GUCY1A2: variants seen among roughly 807,000 people sequenced by gnomAD.
The protein encoded by GUCY1A2 is guanylate cyclase 1 soluble subunit alpha 2, also known as guanylate cyclase soluble subunit alpha-2.
A neutral mutation model predicts 63.5 loss-of-function variants in GUCY1A2; 27 were observed. That is an observed-to-expected ratio of 0.43 (90% CI 0.31 to 0.59). GUCY1A2 has a LOEUF of 0.59. Among genes scored for constraint, GUCY1A2 ranks in the 20% least tolerant of loss-of-function variants. GUCY1A2 has a pLI of 0.11. For synonymous variants in GUCY1A2, 364 were observed against 343.5 expected (o/e 1.06, Z -0.66); for missense variants, 768 against 913.3 (o/e 0.84, Z 2.05).
chr11:106,988,353 A>T (rs906869999), intron 1 of GUCY1A2, among the ~76,000 whole-genome samples: 2 of 152,220 alleles, frequency 1.3e-5, no homozygotes, highest in African/African-American at 4.8e-5. Flanking sequence ...GGCAGTGGAT[A>T]TCCACAGAGG....
chr11:106,843,493 A>C (rs117356592), intron 4 of GUCY1A2, among the ~76,000 whole-genome samples: 1,950 of 152,030 alleles, frequency 0.013, 27 homozygotes, highest in South Asian at 0.048. Flanking sequence ...TAGATATATT[A>C]GGGTGTAACA....
At chr11:106,997,697 G>C (rs910996365) in intron 1 of GUCY1A2, among the ~76,000 whole-genome samples, 3 of 134,810 alleles carry the variant, frequency 2.2e-5, no homozygotes, top group African/African-American at 8.5e-5. Context: ...TAGCATGGTA[G>C]AAAGAGCTTA....
At chr11:106,872,691 T>A (rs1490800515) in intron 4 of GUCY1A2, among the ~76,000 whole-genome samples, 1 of 152,232 alleles carries the variant, frequency 6.6e-6, no homozygotes, top group Non-Finnish European at 1.5e-5. Context: ...TTGTGAACTC[T>A]GGATATAAGC....
chr11:106,851,253 T>G (rs1565309822), intron 4 of GUCY1A2, among the ~76,000 whole-genome samples: 1 of 151,814 alleles, frequency 6.6e-6, no homozygotes, highest in Non-Finnish European at 1.5e-5. Flanking sequence ...TGTGTATTAG[T>G]CCCTTGTTGG....
chr11:107,017,736 T>C lies in GUCY1A2; in HGVS notation c.303+17A>G. ...TCTCTCCCCCGAAGGCGGTCCCCCCTTCCGCCCCCCGCTCACCGAGGGCGC... is the reference window on the plus strand; with the variant it reads ...TCTCTCCCCCGAAGGCGGTCCCCCCCTCCGCCCCCCGCTCACCGAGGGCGC... On this transcript the variant is annotated intron_variant, in intron 1 of 7. Coordinates refer to ENST00000526355, the MANE Select transcript of GUCY1A2 (RefSeq NM_000855.3). 2 of 1,363,712 alleles carry C rather than the reference T, an allele frequency of 1.5e-6. No individual in the cohort carries two copies. Among genetic ancestry groups the C allele is most frequent in the Non-Finnish European group, 1.9e-6 (2 of 1,053,452 alleles). 84.5% of individuals were successfully genotyped at this position (1,363,712 alleles called of 1,614,324 possible).
intron 4 of GUCY1A2, among the ~76,000 whole-genome samples, chr11:106,837,544 T>G: frequency 1.3e-5 from 2 of 151,928 alleles, no homozygotes; most frequent in African/African-American, 2.4e-5. Context: ...GGTAGTTCTG[T>G]TTCTAGCTCT....
At chr11:106,947,100 C>G (rs1205856375) in intron 3 of GUCY1A2, among the ~76,000 whole-genome samples, 1 of 151,664 alleles carries the variant, frequency 6.6e-6, no homozygotes, top group African/African-American at 2.4e-5. Flanking sequence ...TCCTGTAATC[C>G]CAGCTACTCA....
chr11:106,872,673 T>C (rs2135465413), intron 4 of GUCY1A2, among the ~76,000 whole-genome samples: 1 of 152,316 alleles, frequency 6.6e-6, no homozygotes, highest in South Asian at 2.1e-4. Context: ...AAAAGTGTAA[T>C]TGCTGCTTTG....
rs139785852 is a variant in GUCY1A2 at position 106,769,959 on chromosome 11, C to G, written c.1836+6480G>C. The stretch of plus-strand genomic sequence containing the variant: ...AGAAAATTAATTAGGTTACCAAATA[C>G]AGTCGACCCTGTGTATCCACAGGTT... On this transcript the variant is annotated intron_variant, in intron 6 of 7. Transcript: ENST00000526355. Among the ~76,000 whole-genome samples, 729 of 152,038 alleles carry G rather than the reference C, an allele frequency of 4.8e-3. 7 individuals are homozygous for G. The highest frequency in any genetic ancestry group is 0.016 in the African/African-American group (684 of 41,484).
chr11:106,721,035 T>C (rs933173875), intron 6 of GUCY1A2, among the ~76,000 whole-genome samples: 1 of 151,718 alleles, frequency 6.6e-6, no homozygotes, highest in African/African-American at 2.4e-5. Flanking sequence ...GTCATATGCT[T>C]CTCCACCAAT....
intron 1 of GUCY1A2, among the ~76,000 whole-genome samples, chr11:106,992,171 T>C (rs1253970807): frequency 1.3e-5 from 2 of 152,164 alleles, no homozygotes; most frequent in Admixed American, 1.3e-4. Context: ...ATTTTTAATA[T>C]ATATTATCCT....
At chr11:106,948,984 A>G (rs1406983475) in intron 3 of GUCY1A2, among the ~76,000 whole-genome samples, 1 of 152,216 alleles carries the variant, frequency 6.6e-6, no homozygotes, top group Non-Finnish European at 1.5e-5. Flanking sequence ...AAGCAAACAT[A>G]TAAAAAAGAT....
At chr11:106,784,328 C>T (rs1565288926) in intron 5 of GUCY1A2, among the ~76,000 whole-genome samples, 1 of 152,114 alleles carries the variant, frequency 6.6e-6, no homozygotes, top group Non-Finnish European at 1.5e-5. Flanking sequence ...GAGGGCACTC[C>T]TTCCTGAAAG....
chr11:106,826,230 A>C (rs1372672920), intron 4 of GUCY1A2, among the ~76,000 whole-genome samples: 1 of 152,222 alleles, frequency 6.6e-6, no homozygotes, highest in African/African-American at 2.4e-5. Context: ...AACTGATTTC[A>C]AACTTAGAAT....
intron 4 of GUCY1A2, among the ~76,000 whole-genome samples, chr11:106,875,663 T>A (rs1191347355): frequency 6.6e-6 from 1 of 152,144 alleles, no homozygotes; most frequent in African/African-American, 2.4e-5. Context: ...CTAGCAAAAG[T>A]TCCAGCCACA....
chr11:106,710,160 A>G (rs1215119413), intron 6 of GUCY1A2, among the ~76,000 whole-genome samples: 4 of 108,178 alleles, frequency 3.7e-5, no homozygotes, highest in Non-Finnish European at 7.0e-5. Context: ...TATATATTAT[A>G]TACATGTATA....
At chr11:107,005,073 A>G (rs1861655494) in intron 1 of GUCY1A2, among the ~76,000 whole-genome samples, 1 of 152,194 alleles carries the variant, frequency 6.6e-6, no homozygotes, top group African/African-American at 2.4e-5. Context: ...CGATAATGGT[A>G]AGCACTCAAC....
chr11:106,981,546 A>G (rs572568769), intron 2 of GUCY1A2, among the ~76,000 whole-genome samples: 1 of 152,188 alleles, frequency 6.6e-6, no homozygotes, highest in Non-Finnish European at 1.5e-5. Context: ...TTTATTGTTT[A>G]AAATATATAG....
intron 4 of GUCY1A2, among the ~76,000 whole-genome samples, chr11:106,837,344 C>T (rs1591296605): frequency 6.6e-6 from 1 of 152,150 alleles, no homozygotes; most frequent in South Asian, 2.1e-4. Context: ...TTTATGGCTG[C>T]ATAGTATTCC....
Sources: allele counts gnomAD v4.1 joint callset (sites outside exome capture counted in the v4.1 genomes callset), GRCh38; gene constraint gnomAD v4.1.1; transcripts MANE v1.5; gene names NCBI Gene and HGNC (gene_info 2026-07-23, HGNC 2026-07-21).